Variants in CEMIP2 observed in about 807,000 individuals in gnomAD.
CEMIP2 encodes cell migration inducing hyaluronidase 2.
A neutral mutation model predicts 146.9 loss-of-function variants in CEMIP2; 79 were observed. That is an observed-to-expected ratio of 0.54 (90% CI 0.45 to 0.65). The LOEUF is 0.65. Ranked by LOEUF, CEMIP2 falls within the 30% of genes least tolerant of loss-of-function variation. CEMIP2 has a pLI of 0.00. For missense variants in CEMIP2, 1,596 were observed against 1,696.2 expected (o/e 0.94, Z 1.04); for synonymous variants, 601 against 606.3 (o/e 0.99, Z 0.13).
chr9:71,685,900 T>A (rs1822047324), intron 22 of CEMIP2, 54 bp from the exon 23 acceptor site: 2 of 1,243,986 alleles, frequency 1.6e-6, no homozygotes, highest in Non-Finnish European at 1.2e-6. Context: ...AGCATGAGTA[T>A]CTTTCTACTG....
At chr9:71,730,937 C>CA (rs1473366279) in intron 7 of CEMIP2, 23 bp from the exon 8 acceptor site, 1 of 1,600,126 alleles carries the variant, frequency 6.2e-7, no homozygotes, top group Admixed American at 1.7e-5. Context: ...GTACTAAAAT[C>CA]AAACTCATAC....
At chr9:71,724,410 A>G (rs1823324964) in intron 11 of CEMIP2, among the ~76,000 whole-genome samples, 2 of 152,244 alleles carry the variant, frequency 1.3e-5, no homozygotes, top group Non-Finnish European at 2.9e-5. Context: ...TAACTTAATC[A>G]ACTATTCAGC....
At chr9:71,709,152 A>G in intron 17 of CEMIP2, 107 bp downstream of exon 17, 1 of 1,006,340 alleles carries the variant, frequency 9.9e-7, no homozygotes, top group East Asian at 2.4e-5. Flanking sequence ...GATAGATCAT[A>G]CTTTGGAAAA....
intron 12 of CEMIP2, among the ~76,000 whole-genome samples, chr9:71,718,382 A>C (rs4745120): frequency 0.11 from 16,162 of 152,192 alleles, 929 homozygotes; most frequent in Admixed American, 0.14. Flanking sequence ...ATCAGGAAGT[A>C]TGTCATGTGT....
At chr9:71,739,361 C>CAAAAAAAAAAA (rs71353516) in intron 5 of CEMIP2, among the ~76,000 whole-genome samples, 1 of 42,816 alleles carries the variant, frequency 2.3e-5, no homozygotes, top group African/African-American at 1.1e-4. Context: ...GACTCTGTCT[C>CAAAAAAAAAAA]AAAAAAAAAA....
intron 17 of CEMIP2, among the ~76,000 whole-genome samples, chr9:71,706,939 T>TGC (rs1822759309): frequency 2.0e-5 from 3 of 152,168 alleles, no homozygotes; most frequent in Admixed American, 6.5e-5. Context: ...GCGATTCTCC[T>TGC]GCCTCAGTCC....
chr9:71,741,937 C>A (rs1213418397), intron 4 of CEMIP2, among the ~76,000 whole-genome samples: 2 of 152,154 alleles, frequency 1.3e-5, no homozygotes, highest in African/African-American at 2.4e-5. Context: ...TGAGCCACCA[C>A]ACCCGGCCTA....
chr9:71,717,874 C>T lies in CEMIP2; in HGVS notation c.2399+74G>A, dbSNP rs1823111630. ...CAAGAATCATCACTGTGCTTTCATGCTACTGGCTTTAAAAAAAATCTGAAA... is the reference window on the plus strand; with the variant it reads ...CAAGAATCATCACTGTGCTTTCATGTTACTGGCTTTAAAAAAAATCTGAAA... On this transcript the variant is annotated intron_variant, in intron 13 of 23. Transcript: ENST00000377044. The T allele has an allele frequency of 2.8e-6, 4 of 1,405,814 alleles. No individual in the cohort carries two copies. The South Asian group carries it at 5.7e-5, about 20-fold the overall frequency. 87.1% of individuals were successfully genotyped at this position (1,405,814 alleles called of 1,614,324 possible).
chr9:71,715,223 G>C, intron 14 of CEMIP2, 134 bp from the exon 15 acceptor site: 2 of 480,944 alleles, frequency 4.2e-6, no homozygotes, highest in Non-Finnish European at 6.7e-6. Context: ...ACATTCACAA[G>C]TCTTCAGAAA....
chr9:71,695,427 C>T (rs551825544), intron 20 of CEMIP2, among the ~76,000 whole-genome samples: 1 of 152,124 alleles, frequency 6.6e-6, no homozygotes, highest in Non-Finnish European at 1.5e-5. Context: ...GTAATCCCAG[C>T]GCTTTGGGGG....
chr9:71,728,209 C>CTCTCTCTCTCTCTCTCTCTCTA (rs1823449266), intron 10 of CEMIP2, among the ~76,000 whole-genome samples: 1 of 37,998 alleles, frequency 2.6e-5, no homozygotes, highest in African/African-American at 7.9e-5. Flanking sequence ...CTCTCTCTCT[C>CTCTCTCTCTCTCTCTCTCTCTA]TCTCTCTCTC....
intron 12 of CEMIP2, among the ~76,000 whole-genome samples, chr9:71,718,405 T>C (rs900204979): frequency 6.6e-6 from 1 of 152,166 alleles, no homozygotes; most frequent in African/African-American, 2.4e-5. Flanking sequence ...TTACAAATCC[T>C]TAAGGTACAT....
chr9:71,766,214 G>A (rs7869143), intron 1 of CEMIP2, among the ~76,000 whole-genome samples: 9,573 of 151,688 alleles, frequency 0.063, 455 homozygotes, highest in Non-Finnish European at 0.09. Flanking sequence ...GATTACAGGC[G>A]TGCACCACCA....
intron 23 of CEMIP2, 96 bp from the exon 24 acceptor site, chr9:71,685,489 AC>A (rs1822032927): frequency 1.5e-6 from 2 of 1,332,214 alleles, no homozygotes; most frequent in South Asian, 3.4e-5. Context: ...GGTGAGCAAA[AC>A]AAAGGCAGCT....
At chr9:71,726,870 A>T (rs1823400000) in intron 10 of CEMIP2, among the ~76,000 whole-genome samples, 1 of 152,204 alleles carries the variant, frequency 6.6e-6, no homozygotes, top group Non-Finnish European at 1.5e-5. Context: ...ATAACCCATA[A>T]GCTGAGGGCA....
At chr9:71,709,808 G>C (rs73647007) in intron 16 of CEMIP2, among the ~76,000 whole-genome samples, 161 of 152,316 alleles carry the variant, frequency 1.1e-3, no homozygotes, top group African/African-American at 3.8e-3. Flanking sequence ...AAGCAGAAGA[G>C]TTGTGGGAAG....
intron 16 of CEMIP2, among the ~76,000 whole-genome samples, chr9:71,709,925 G>A (rs1822858770): frequency 6.6e-6 from 1 of 152,090 alleles, no homozygotes; most frequent in Non-Finnish European, 1.5e-5. Context: ...AAAAATCTAT[G>A]ATAAGTTATC....
At chr9:71,696,456 G>A in intron 20 of CEMIP2, among the ~76,000 whole-genome samples, 1 of 149,472 alleles carries the variant, frequency 6.7e-6, no homozygotes, top group Admixed American at 6.7e-5. Flanking sequence ...GACTAAGACT[G>A]ATAGTAGAGT....
intron 16 of CEMIP2, among the ~76,000 whole-genome samples, chr9:71,711,224 A>G (rs1012953569): frequency 2.0e-5 from 3 of 152,118 alleles, no homozygotes; most frequent in African/African-American, 7.2e-5. Flanking sequence ...TTTACAGTCT[A>G]TCTGCAATCT....
Sources: gnomAD v4.1 joint callset for allele counts (sites outside exome capture counted in the v4.1 genomes callset) on GRCh38, gnomAD v4.1.1 for gene constraint, MANE v1.5 for transcripts, NCBI Gene and HGNC (gene_info 2026-07-23, HGNC 2026-07-21) for gene names.